The following INO80 variants were observed in gnomAD, a reference collection of about 807,000 sequenced individuals.
The protein encoded by INO80 is chromatin-remodeling ATPase INO80.
A neutral mutation model predicts 203.4 loss-of-function variants in INO80; 20 were observed. That is an observed-to-expected ratio of 0.10 (90% confidence interval 0.07 to 0.14). INO80 has a LOEUF of 0.14. Ranked by LOEUF, INO80 falls within the 10% of genes least tolerant of loss-of-function variation. The probability of loss-of-function intolerance (pLI) is 1.00; values close to 1 mark genes in which losing one functional copy is unlikely to be tolerated. For missense variants in INO80, 1,419 were observed against 1,914.4 expected, an observed-to-expected ratio of 0.74 and a Z score of 4.83; for synonymous variants, 726 against 685.2, an observed-to-expected ratio of 1.06 and a Z score of -0.93.
intron 19 of INO80, among the ~76,000 whole-genome samples, chr15:41,051,643 C>T (rs1412885688): frequency 6.6e-6 from 1 of 151,720 alleles, no homozygotes. Context: ...GAGACCCTGA[C>T]TCTATAAAAA....
At chr15:41,016,567 T>C (rs1410928407) in intron 26 of INO80, among the ~76,000 whole-genome samples, 1 of 152,258 alleles carries the variant, frequency 6.6e-6, no homozygotes, top group African/African-American at 2.4e-5. Context: ...TTAAGTGACC[T>C]GAAAATTTTG....
chr15:41,101,516 T>C (rs947488434), intron 1 of INO80, among the ~76,000 whole-genome samples: 3 of 152,126 alleles, frequency 2.0e-5, no homozygotes, highest in Non-Finnish European at 2.9e-5. Flanking sequence ...TGCTGTGATA[T>C]TTGAGTCACC....
chr15:41,005,754 A>G (rs2044031393), intron 27 of INO80, 67 bp from the exon 28 acceptor site: 5 of 848,464 alleles, frequency 5.9e-6, no homozygotes, highest in Non-Finnish European at 9.8e-6. Flanking sequence ...TTCCACAGGC[A>G]TCTACCCATC....
At chr15:41,115,840 TA>T in intron 1 of INO80, 132 bp downstream of exon 1, 1 of 370,748 alleles carries the variant, frequency 2.7e-6, no homozygotes, top group Non-Finnish European at 4.8e-6. Flanking sequence ...TCCTCCATAC[TA>T]ACCCCAACAA....
rs181553409 is a variant in INO80, at chr15:41,089,932, G to A, written c.537+2095C>T. ...TAAGCATTCTGGCAATTCCTCAAAA[G>A]GCTAAGCAAGGTGTTTCCATATGAC... On this transcript the variant is annotated intron_variant, in intron 5 of 35. Coordinates refer to ENST00000648947, the MANE Select transcript of INO80 (RefSeq NM_017553.3). 3.9e-5 allele frequency among the ~76,000 whole-genome samples: 6 copies of A among 152,202 alleles called. No homozygotes were observed. The East Asian group carries it at 1.2e-3, about 29-fold the overall frequency.
chr15:41,106,278 G>A (rs1463152336), intron 1 of INO80, among the ~76,000 whole-genome samples: 1 of 151,792 alleles, frequency 6.6e-6, no homozygotes, highest in Non-Finnish European at 1.5e-5. Flanking sequence ...CAGCTACCTG[G>A]GAGGCTGGGG....
intron 9 of INO80, 95 bp from the exon 10 acceptor site, chr15:41,074,660 T>A: frequency 1.3e-6 from 1 of 799,130 alleles, no homozygotes; most frequent in Non-Finnish European, 1.9e-6. Flanking sequence ...ACAATTCCTT[T>A]ACCAACTGTT....
intron 33 of INO80, 127 bp downstream of exon 33, chr15:40,984,070 A>G: frequency 7.5e-7 from 1 of 1,332,118 alleles, no homozygotes; most frequent in South Asian, 1.4e-5. Context: ...TACAGACCTC[A>G]TGTGCAACCT....
intron 1 of INO80, among the ~76,000 whole-genome samples, chr15:41,109,993 G>A (rs1288526665): frequency 2.0e-5 from 3 of 151,260 alleles, no homozygotes; most frequent in African/African-American, 7.3e-5. Flanking sequence ...TGCTGGGGAG[G>A]CTGAGGCAGG....
At chr15:41,088,532 G>T (rs937375451) in intron 5 of INO80, among the ~76,000 whole-genome samples, 1 of 152,084 alleles carries the variant, frequency 6.6e-6, no homozygotes, top group Non-Finnish European at 1.5e-5. Context: ...ATTATAAATA[G>T]TGCCTACATT....
intron 24 of INO80, among the ~76,000 whole-genome samples, chr15:41,030,901 A>G (rs1399220840): frequency 2.0e-5 from 3 of 149,436 alleles, no homozygotes; most frequent in Non-Finnish European, 4.5e-5. Context: ...CAAACTCCTG[A>G]CCTCATGATC....
intron 1 of INO80, among the ~76,000 whole-genome samples, chr15:41,102,698 TATTTGTAATAAAAAAGGAG>T (rs1169194652): frequency 1.3e-5 from 2 of 152,050 alleles, no homozygotes; most frequent in African/African-American, 2.4e-5. Flanking sequence ...TATTATAAAA[TATTTGTAATAAAAAAGGAG>T]AGTTGGGTCT....
At chr15:41,010,892 A>G (rs994139368) in intron 27 of INO80, among the ~76,000 whole-genome samples, 2 of 152,186 alleles carry the variant, frequency 1.3e-5, no homozygotes, top group Admixed American at 1.3e-4. Context: ...TTTCTTGGAC[A>G]TGCTGTTTTC....
chr15:41,037,165 CA>C (rs11454368), intron 24 of INO80, among the ~76,000 whole-genome samples: 1 of 151,172 alleles, frequency 6.6e-6, no homozygotes, highest in Non-Finnish European at 1.5e-5. Context: ...GAAAAAAGAA[CA>C]AAAAGAGAGA....
chr15:40,987,267 C>G lies in INO80; in HGVS notation c.3730-74G>C, dbSNP rs1421751248. 3 of 896,708 alleles carry G rather than the reference C, an allele frequency of 3.3e-6. No individual in the cohort carries two copies. In the East Asian group the frequency reaches 7.5e-5, roughly 22 times the overall value. 55.5% of individuals were successfully genotyped at this position (896,708 alleles called of 1,614,324 possible). A position where few individuals can be genotyped will look rare whatever the true frequency, so the allele number is the denominator to read the frequency against. ...TGGCAAATATCCAGAAAAAGATACA[C>G]ATCGTTCTCAACCCACTCCTCAGGG... is the stretch of plus-strand genomic sequence containing the variant. On this transcript the variant is annotated intron_variant, in intron 30 of 35. Coordinates refer to ENST00000648947, the MANE Select transcript of INO80 (RefSeq NM_017553.3).
chr15:41,049,086 T>C (rs936430193), intron 21 of INO80, among the ~76,000 whole-genome samples: 1 of 152,214 alleles, frequency 6.6e-6, no homozygotes, highest in Admixed American at 6.5e-5. Flanking sequence ...CAGAAGTGAC[T>C]AGGGCCTTTA....
intron 27 of INO80, among the ~76,000 whole-genome samples, chr15:41,010,403 A>C (rs1357040430): frequency 6.6e-6 from 1 of 151,790 alleles, no homozygotes. Flanking sequence ...CTCCTTTTTA[A>C]ATTTTTTTTT....
chr15:41,112,509 C>T (rs1004379176), intron 1 of INO80, among the ~76,000 whole-genome samples: 1 of 152,058 alleles, frequency 6.6e-6, no homozygotes. Flanking sequence ...CAACTGTTAG[C>T]TGGACACAGT....
At chr15:41,100,034 T>C (rs1355269793) in intron 1 of INO80, among the ~76,000 whole-genome samples, 1 of 152,086 alleles carries the variant, frequency 6.6e-6, no homozygotes, top group Non-Finnish European at 1.5e-5. Flanking sequence ...ATTAAGGAGG[T>C]ATGACTACCA....
Sources: gnomAD v4.1 joint callset for allele counts (sites outside exome capture counted in the v4.1 genomes callset) on GRCh38, gnomAD v4.1.1 for gene constraint, MANE v1.5 for transcripts, NCBI Gene and HGNC (gene_info 2026-07-23, HGNC 2026-07-21) for gene names.